Variants in PLD2 observed in about 807,000 individuals in gnomAD.
The protein encoded by PLD2 is choline phosphatase 2.
A neutral mutation model predicts 119.8 loss-of-function variants in PLD2; 101 were observed. That is an observed-to-expected ratio of 0.84 (90% confidence interval 0.72 to 0.99). The LOEUF (loss-of-function observed/expected upper bound fraction) is 0.99. Ranked by LOEUF, PLD2 falls within the 50% of genes least tolerant of loss-of-function variation. The probability of loss-of-function intolerance (pLI) is 0.00; values close to 1 mark genes in which losing one functional copy is unlikely to be tolerated. For missense variants in PLD2, 1,164 were observed against 1,226.8 expected (o/e 0.95, Z 0.76); for synonymous variants, 494 against 482.8 (o/e 1.02, Z -0.30).
rs1386594037 is a variant in PLD2, at chr17:4,816,678, T to C, written c.1514T>C (p.Phe505Ser). ...ATPDLSHNQF[F>S]WLGKDYSNLI... ...CCAGACCTCTCTCACAACCAATTCT[T>C]CTGGCTGGGCAAGGACTACAGCAAT... The change falls in exon 15 of 25, where the codon TTC becomes TCC. Residue 505 changes from phenylalanine to serine, a missense_variant. Phe to Ser is a radical substitution (Grantham distance 155). Transcript: ENST00000263088. 1 of 1,613,976 alleles carries C rather than the reference T, an allele frequency of 6.2e-7. No individual in the cohort carries two copies. Among genetic ancestry groups the C allele is most frequent in the Non-Finnish European group, 8.5e-7 (1 of 1,180,022 alleles).
At chr17:4,818,272 T>A in intron 18 of PLD2, 25 bp from the exon 19 acceptor site, 5 of 1,597,352 alleles carry the variant, frequency 3.1e-6, no homozygotes, top group Non-Finnish European at 4.3e-6. Context: ...AGGCTGCTGA[T>A]GTCTGTCTCT....
In PLD2 at chr17:4,810,844, G is replaced by T. The variant is rs748710430; in HGVS notation, c.903G>T (p.Trp301Cys). 1.9e-6 allele frequency: 3 copies of T among 1,613,714 alleles called. No individual in the cohort carries two copies. In the East Asian group the frequency reaches 6.7e-5, roughly 36 times the overall value. The change falls in exon 10 of 25, where the codon TGG becomes TGT. Residue 301 changes from tryptophan (W) to cysteine (C), a missense_variant. Transcript: ENST00000263088. Reference protein sequence around the residue: ...LKCSSYRQARWWAQEITELAQ... With the variant: ...LKCSSYRQARCWAQEITELAQ... ...GCAGCAGCTACCGGCAGGCACGGTGGTGGGCCCAAGAGATCACTGAGCTGG... is the reference window on the plus strand; with the variant it reads ...GCAGCAGCTACCGGCAGGCACGGTGTTGGGCCCAAGAGATCACTGAGCTGG...
chr17:4,815,429 C>CAGTA lies in PLD2; in HGVS notation c.1174-47_1174-46insAGTA, dbSNP rs760604607. On this transcript the variant is annotated intron_variant, in intron 12 of 24. Coordinates refer to ENST00000263088, the MANE Select transcript of PLD2 (RefSeq NM_002663.5). ...AAAGGTTTGGGAGTGTGGAAAGGGG[C>CAGTA]TACTCTGGGAGAGGCACTAGGATCT... The CAGTA allele has an allele frequency of 3.7e-5, 42 of 1,144,506 alleles. No homozygotes were observed. The South Asian group carries it at 5.1e-4, about 14-fold the overall frequency. The allele number at this position is 1,144,506 out of a possible 1,614,324, so 70.9% of individuals were successfully genotyped here. A position where few individuals can be genotyped will look rare whatever the true frequency, so the allele number is the denominator to read the frequency against.
chr17:4,812,298 T>G (rs1906551775), intron 10 of PLD2, among the ~76,000 whole-genome samples: 1 of 147,900 alleles, frequency 6.8e-6, no homozygotes. Context: ...TGTTTTGGTT[T>G]TTTTTTTTTT....
chr17:4,819,698 T>A lies in PLD2; in HGVS notation c.2462+116T>A. 2.0e-6 allele frequency: 2 copies of A among 1,022,358 alleles called. No individual in the cohort carries two copies. The highest frequency in any genetic ancestry group is 2.8e-6 in the Non-Finnish European group (2 of 714,176). 63.3% of individuals were successfully genotyped at this position (1,022,358 alleles called of 1,614,324 possible). On this transcript the variant is annotated intron_variant, in intron 23 of 24. Transcript: ENST00000263088. The surrounding 1 kb of genome is among the most constrained non-coding windows in gnomAD (Gnocchi z 4.2). ...CCGGAGCCAGAGGTAGAGGCAGTACTAGATTCTCAATAGGCAAGGCTGGGC... is the reference window on the plus strand; with the variant it reads ...CCGGAGCCAGAGGTAGAGGCAGTACAAGATTCTCAATAGGCAAGGCTGGGC...
chr17:4,807,982 A>G lies in PLD2; in HGVS notation c.110-2A>G, dbSNP rs534899210. 6.2e-7 allele frequency: 1 copy of G among 1,607,534 alleles called. No homozygotes were observed. The highest frequency in any genetic ancestry group is 2.2e-5 in the East Asian group (1 of 44,648). ...ACACTCCTCGACTTTCTTTCCTCCCAGCCGACCGGATGCACCCGTTTCTGG... is the reference window on the plus strand; with the variant it reads ...ACACTCCTCGACTTTCTTTCCTCCCGGCCGACCGGATGCACCCGTTTCTGG... On this transcript the variant is annotated splice_acceptor_variant, in intron 2 of 24. Transcript: ENST00000263088. LOFTEE classifies it high-confidence loss of function. The surrounding 1 kb of genome is among the most constrained non-coding windows in gnomAD (Gnocchi z 5.4).
chr17:4,813,924 C>A (rs533035586), intron 10 of PLD2, among the ~76,000 whole-genome samples: 31 of 152,274 alleles, frequency 2.0e-4, no homozygotes, highest in African/African-American at 7.2e-4. Context: ...TTCCCATAGT[C>A]TATGAGAATA....
Position 4,810,821 on chromosome 17 carries a change from A to T in PLD2, c.880A>T (p.Ser294Cys), listed in dbSNP as rs142502170. The T allele has an allele frequency of 1.7e-4, 272 of 1,612,958 alleles. No individual in the cohort carries two copies. The highest frequency in any genetic ancestry group is 2.2e-4 in the Non-Finnish European group (263 of 1,179,522). Reference protein sequence around the residue: ...TSHRSLILKCSSYRQARWWAQ... With the variant: ...TSHRSLILKCCSYRQARWWAQ... ...ATCCAGGTCCTTGATTCTCAAGTGC[A>T]GCAGCTACCGGCAGGCACGGTGGTG... Residue 294 changes from serine to cysteine, a missense_variant, in exon 10 of 25, where the codon AGC becomes TGC. Coordinates refer to ENST00000263088, the MANE Select transcript of PLD2 (RefSeq NM_002663.5).
chr17:4,820,822 C>T (rs143666588), intron 23 of PLD2, among the ~76,000 whole-genome samples: 3,138 of 142,464 alleles, frequency 0.022, 84 homozygotes, highest in African/African-American at 0.071. Flanking sequence ...GTGATCTGCC[C>T]GCCTCCGCCT....
chr17:4,818,216 T>C, intron 18 of PLD2, 81 bp from the exon 19 acceptor site: 1 of 1,450,126 alleles, frequency 6.9e-7, no homozygotes, highest in East Asian at 2.3e-5. Context: ...AGCAGACGCC[T>C]GGAGCCTGGG....
At chr17:4,813,348 T>C (rs1435332057) in intron 10 of PLD2, among the ~76,000 whole-genome samples, 1 of 152,196 alleles carries the variant, frequency 6.6e-6, no homozygotes, top group Non-Finnish European at 1.5e-5. Flanking sequence ...CGTGTTACTT[T>C]TGTTTCAACA....
At chr17:4,817,089 G>A in intron 16 of PLD2, 34 bp downstream of exon 16, 1 of 1,608,194 alleles carries the variant, frequency 6.2e-7, no homozygotes, top group African/African-American at 1.3e-5. Context: ...CTGGAGGTAG[G>A]GAGGGAGCCA....
At position 4,810,787 on chromosome 17, in the gene PLD2, A is replaced by T; in HGVS notation, c.861-15A>T. ...GAGGGCGAGGATTTATGGACATCTC[A>T]TCGTTCCCATCCAGGTCCTTGATTC... is the stretch of plus-strand genomic sequence containing the variant. On this transcript the variant is annotated splice_polypyrimidine_tract_variant and intron_variant, in intron 9 of 24. Transcript: ENST00000263088. 6.2e-7 allele frequency: 1 copy of T among 1,602,164 alleles called. No individual in the cohort carries two copies. The highest frequency in any genetic ancestry group is 1.1e-5 in the South Asian group (1 of 89,984).
chr17:4,810,139 C>G, intron 9 of PLD2, 110 bp downstream of exon 9: 1 of 1,112,802 alleles, frequency 9.0e-7, no homozygotes, highest in South Asian at 1.5e-5. Flanking sequence ...TTTCCACCTC[C>G]CTGGATCGGG....
Position 4,822,661 on chromosome 17 carries a change from A to G in PLD2, c.2599A>G (p.Asn867Asp), listed in dbSNP as rs374335117. The G allele has an allele frequency of 3.7e-6, 6 of 1,610,044 alleles. No individual in the cohort carries two copies. Among genetic ancestry groups the G allele is most frequent in the Non-Finnish European group, 5.1e-6 (6 of 1,177,158 alleles). ...YEQIFRCLPS[N>D]ATRSLRTLRE... ...ACAGATCTTCCGCTGCCTGCCATCC[A>G]ATGCCACGCGTTCCCTGCGGACTCT... The change falls in exon 25 of 25, where the codon AAT (asparagine) becomes GAT (aspartate). Residue 867 changes from asparagine (N) to aspartate (D), a missense_variant. Asn to Asp is a conservative substitution (Grantham distance 23, BLOSUM62 1). Coordinates refer to ENST00000263088, the MANE Select transcript of PLD2 (RefSeq NM_002663.5).
chr17:4,809,859 G>T lies in PLD2; in HGVS notation c.708-18G>T. ...ATTTTGAGGGCAGAGAGGAACACAC[G>T]GAGCCCTTCTGCTCTAGGTGGCTGG... On this transcript the variant is annotated intron_variant, in intron 8 of 24. Coordinates refer to ENST00000263088, the MANE Select transcript of PLD2 (RefSeq NM_002663.5). 3 of 1,614,160 alleles carry T rather than the reference G, an allele frequency of 1.9e-6. No individual in the cohort carries two copies. The highest frequency in any genetic ancestry group is 2.5e-6 in the Non-Finnish European group (3 of 1,180,018).
At chr17:4,810,643 C>T (rs551224457) in intron 9 of PLD2, among the ~76,000 whole-genome samples, 159 bp from the exon 10 acceptor site, 1 of 152,150 alleles carries the variant, frequency 6.6e-6, no homozygotes, top group East Asian at 1.9e-4. Flanking sequence ...TAAACTCTGT[C>T]TCAAAAATAA....
At position 4,816,545 on chromosome 17, in the gene PLD2, T is replaced by G. The variant is rs557036487; in HGVS notation, c.1456-75T>G. ...TCGGTCTCTCTCACTCTTTCAGTGC[T>G]CCTCTCTTTGGCCCTGGCTCTGTAC... On this transcript the variant is annotated intron_variant, in intron 14 of 24. Coordinates refer to ENST00000263088, the MANE Select transcript of PLD2 (RefSeq NM_002663.5). 6 of 1,449,924 alleles carry G rather than the reference T, an allele frequency of 4.1e-6. No homozygotes were observed. The East Asian group carries it at 1.4e-4, about 33-fold the overall frequency. 89.8% of individuals were successfully genotyped at this position (1,449,924 alleles called of 1,614,324 possible). A position where few individuals can be genotyped will look rare whatever the true frequency, so the allele number is the denominator to read the frequency against.
In PLD2 at chr17:4,816,076, AC is replaced by A; in HGVS notation, c.1455+145del. On this transcript the variant is annotated intron_variant, in intron 14 of 24. Transcript: ENST00000263088. Reference sequence around the variant, plus strand: ...CCTCAGACTTTCTGGGACTCCAAGAACCCACTTTGAAAGTGCTGTAACTGGC... The same window carrying A: ...CCTCAGACTTTCTGGGACTCCAAGAACCACTTTGAAAGTGCTGTAACTGGC... 10 of 685,696 alleles carry A rather than the reference AC, an allele frequency of 1.5e-5. No homozygotes were observed. In the South Asian group the frequency reaches 1.8e-4, roughly 12 times the overall value. 42.5% of individuals were successfully genotyped at this position (685,696 alleles called of 1,614,324 possible).
Sources: gnomAD v4.1 joint callset for allele counts (sites outside exome capture counted in the v4.1 genomes callset) on GRCh38, gnomAD v4.1.1 for gene constraint, Gnocchi (gnomAD v3.1) non-coding constraint, MANE v1.5 for transcripts, NCBI Gene and HGNC (gene_info 2026-07-23, HGNC 2026-07-21) for gene names.